The following ITSN1 variants were observed in gnomAD, a reference collection of about 807,000 sequenced individuals.
ITSN1 encodes the protein intersectin-1.
A neutral mutation model predicts 239.8 loss-of-function variants in ITSN1; 58 were observed. The observed-to-expected ratio is 0.24, with a 90% CI of 0.20 to 0.30. ITSN1 has a LOEUF of 0.30. Ranked by LOEUF, ITSN1 falls within the 10% of genes least tolerant of loss-of-function variation. The pLI is 1.00. For missense variants in ITSN1, 1,558 were observed against 2,103.3 expected, an observed-to-expected ratio of 0.74 and a Z score of 5.07; for synonymous variants, 780 against 770.8, an observed-to-expected ratio of 1.01 and a Z score of -0.20.
chr21:33,876,511 C>T (rs1329147466), intron 34 of ITSN1, among the ~76,000 whole-genome samples: 2 of 152,214 alleles, frequency 1.3e-5, no homozygotes, highest in African/African-American at 2.4e-5. Context: ...ACCACAGGTG[C>T]ATGCCACCAT....
chr21:33,837,276 T>A, intron 29 of ITSN1: 14 of 1,206,978 alleles, frequency 1.2e-5, no homozygotes, highest in Non-Finnish European at 1.4e-5. Flanking sequence ...GTTACTCAAA[T>A]TGACTTTCCC....
At chr21:33,718,081 C>T (rs192161240) in intron 1 of ITSN1, among the ~76,000 whole-genome samples, 3 of 152,242 alleles carry the variant, frequency 2.0e-5, no homozygotes, top group East Asian at 1.9e-4. Context: ...CGAATGATAT[C>T]GTGCTAATCA....
Position 33,642,591 on chromosome 21 carries a change from G to T in ITSN1, c.-155G>T. 1 of 152,414 alleles carries T rather than the reference G, an allele frequency of 6.6e-6. No individual in the cohort carries two copies. Among genetic ancestry groups the T allele is most frequent in the East Asian group, 2.0e-4 (1 of 5,084 alleles). The allele number at this position is 152,414 out of a possible 1,614,324, so 9.4% of individuals were successfully genotyped here. ...CGAGGAAGAATCCCGAGCGGGCTCCGGGACGGACAGAGAGGCGGGCGGGGA... is the reference window on the plus strand; with the variant it reads ...CGAGGAAGAATCCCGAGCGGGCTCCTGGACGGACAGAGAGGCGGGCGGGGA... On this transcript the variant is annotated 5_prime_UTR_variant, in exon 1 of 40. Coordinates refer to ENST00000381318, the MANE Select transcript of ITSN1 (RefSeq NM_003024.3).
intron 9 of ITSN1, among the ~76,000 whole-genome samples, chr21:33,765,224 A>G (rs892529190): frequency 2.0e-5 from 3 of 152,222 alleles, no homozygotes; most frequent in Non-Finnish European, 4.4e-5. Flanking sequence ...AACATTTAAC[A>G]ATATAGAGCT....
intron 8 of ITSN1, among the ~76,000 whole-genome samples, chr21:33,758,599 G>C (rs928344745): frequency 3.9e-5 from 6 of 152,074 alleles, no homozygotes; most frequent in Admixed American, 3.9e-4. Flanking sequence ...CTAGAACTCT[G>C]GTATTCCTGT....
Position 33,893,355 on chromosome 21 carries a change from T to G in ITSN1, c.*5055T>G, listed in dbSNP as rs1318628459. The G allele has an allele frequency of 6.6e-6, 1 of 152,204 alleles. No individual in the cohort carries two copies. The highest frequency in any genetic ancestry group is 1.5e-5 in the Non-Finnish European group (1 of 68,058). 9.4% of individuals were successfully genotyped at this position (152,204 alleles called of 1,614,324 possible). A position where few individuals can be genotyped will look rare whatever the true frequency, so the allele number is the denominator to read the frequency against. ...CTGTAATCCCAACACTTTGAGGGGCTGAGGCAGGTGGATCACCTGAGGTCA... is the reference window on the plus strand; with the variant it reads ...CTGTAATCCCAACACTTTGAGGGGCGGAGGCAGGTGGATCACCTGAGGTCA... On this transcript the variant is annotated 3_prime_UTR_variant, in exon 40 of 40. Transcript: ENST00000381318.
Position 33,836,455 on chromosome 21 carries a change from G to A in ITSN1, c.3484G>A (p.Gly1162Arg). 1 of 1,608,262 alleles carries A rather than the reference G, an allele frequency of 6.2e-7. No individual in the cohort carries two copies. Among genetic ancestry groups the A allele is most frequent in the Non-Finnish European group, 8.5e-7 (1 of 1,176,272 alleles). Residue 1162 changes from glycine (G) to arginine (R), a missense_variant, in exon 29 of 40, where the codon GGG becomes AGG. Physicochemically the swap from Gly to Arg is moderately radical, Grantham distance 125 (BLOSUM62 -2). Transcript: ENST00000381318. ...TALAAVCQVI[G>R]MYDYTAQNDD... ...GTCTCCTGCAGTGTGCCAGGTGATT[G>A]GGATGTACGACTACACCGCGCAGAA...
rs1986542220 is a variant in ITSN1 at position 33,894,042 on chromosome 21, C to T, written c.*5742C>T. The T allele has an allele frequency of 6.6e-6, 1 of 152,296 alleles. No individual in the cohort carries two copies. The allele number at this position is 152,296 out of a possible 1,614,324, so 9.4% of individuals were successfully genotyped here. A position where few individuals can be genotyped will look rare whatever the true frequency, so the allele number is the denominator to read the frequency against. ...CACTGTTCATTTAGGGAGTCCCCAT[C>T]CTGGTCCAGGCCACCCTCCTAGAAG... On this transcript the variant is annotated 3_prime_UTR_variant, in exon 40 of 40. Transcript: ENST00000381318.
chr21:33,866,558 G>A (rs1402101171), intron 32 of ITSN1, among the ~76,000 whole-genome samples: 1 of 151,942 alleles, frequency 6.6e-6, no homozygotes, highest in African/African-American at 2.4e-5. Flanking sequence ...TGCCAGCTGC[G>A]AGGTGTTCCT....
intron 29 of ITSN1, among the ~76,000 whole-genome samples, chr21:33,847,997 C>T (rs1332996927): frequency 6.6e-6 from 1 of 152,122 alleles, no homozygotes; most frequent in African/African-American, 2.4e-5. Flanking sequence ...CTTGCGTGAC[C>T]CCAGTGTGTG....
At chr21:33,857,456 G>A (rs1208965500) in intron 30 of ITSN1, among the ~76,000 whole-genome samples, 3 of 152,234 alleles carry the variant, frequency 2.0e-5, no homozygotes, top group African/African-American at 7.2e-5. Context: ...CGCTCCTGCT[G>A]CTCAGCAGGC....
intron 1 of ITSN1, among the ~76,000 whole-genome samples, chr21:33,648,335 A>T (rs918837824): frequency 2.6e-5 from 4 of 152,228 alleles, no homozygotes; most frequent in African/African-American, 9.6e-5. Context: ...ACCAGCAATT[A>T]GAGAGCCAGC....
At chr21:33,761,577 A>G (rs1174714999) in intron 8 of ITSN1, among the ~76,000 whole-genome samples, 1 of 152,182 alleles carries the variant, frequency 6.6e-6, no homozygotes, top group Non-Finnish European at 1.5e-5. Context: ...CTTAAAGAGA[A>G]TAACTTTCAA....
chr21:33,817,427 C>A (rs752805976), intron 22 of ITSN1: 71 of 1,304,332 alleles, frequency 5.4e-5, no homozygotes, highest in Non-Finnish European at 6.8e-5. Context: ...GATGCTGCCC[C>A]CTCTGTGAAA....
chr21:33,840,513 A>AC (rs2074785773), intron 29 of ITSN1, among the ~76,000 whole-genome samples: 1 of 151,998 alleles, frequency 6.6e-6, no homozygotes, highest in Non-Finnish European at 1.5e-5. Context: ...ACAGGCATGC[A>AC]CGTGGGTCTG....
chr21:33,771,648 GC>G (rs1003520729), intron 11 of ITSN1, among the ~76,000 whole-genome samples: 25 of 152,170 alleles, frequency 1.6e-4, no homozygotes, highest in African/African-American at 6.0e-4. Context: ...CTTTCACTCT[GC>G]TTTGAGAAAT....
intron 31 of ITSN1, among the ~76,000 whole-genome samples, 162 bp downstream of exon 31, chr21:33,858,954 G>T (rs1363094830): frequency 6.6e-6 from 1 of 150,392 alleles, no homozygotes; most frequent in Non-Finnish European, 1.5e-5. Context: ...ACCCTTTTGT[G>T]CCTTCGTGCT....
intron 1 of ITSN1, among the ~76,000 whole-genome samples, chr21:33,694,924 G>A (rs2091728559): frequency 6.6e-6 from 1 of 152,186 alleles, no homozygotes; most frequent in African/African-American, 2.4e-5. Flanking sequence ...CATCAATCCT[G>A]CCTGAGCAGT....
intron 1 of ITSN1, among the ~76,000 whole-genome samples, chr21:33,644,622 G>T (rs914632330): frequency 2.0e-5 from 3 of 151,368 alleles, no homozygotes; most frequent in Non-Finnish European, 2.9e-5. Flanking sequence ...GTGGTAGCAA[G>T]TTAGTTCTGT....
Sources: gnomAD v4.1 joint callset for allele counts (sites outside exome capture counted in the v4.1 genomes callset) on GRCh38, gnomAD v4.1.1 for gene constraint, MANE v1.5 for transcripts, NCBI Gene and HGNC (gene_info 2026-07-23, HGNC 2026-07-21) for gene names.